CADM1: variants seen among roughly 807,000 people sequenced by gnomAD.
The protein encoded by CADM1 is TSLC-1.
In CADM1, 15 loss-of-function variants were observed where a neutral mutation model predicts 53.1. The ratio of observed to expected loss-of-function variants is 0.28; its 90% confidence interval spans 0.19 to 0.44. The LOEUF is 0.44. CADM1 is among the 20% of genes least tolerant of loss of function. CADM1 has a pLI of 1.00. For synonymous variants in CADM1, 281 were observed against 243.0 expected, an observed-to-expected ratio of 1.16 and a Z score of -1.45; for missense variants, 434 against 611.3, an observed-to-expected ratio of 0.71 and a Z score of 3.06.
chr11:115,320,085 A>G (rs1349768691), intron 1 of CADM1, among the ~76,000 whole-genome samples: 1 of 152,048 alleles, frequency 6.6e-6, no homozygotes, highest in Non-Finnish European at 1.5e-5. Context: ...TTTTTTAGAG[A>G]CAGTATCTCG....
chr11:115,417,022 T>C (rs116126933), intron 1 of CADM1, among the ~76,000 whole-genome samples: 631 of 152,262 alleles, frequency 4.1e-3, no homozygotes, highest in Middle Eastern at 0.014. Context: ...GATTTTATGA[T>C]AATTCAATAT....
intron 1 of CADM1, among the ~76,000 whole-genome samples, chr11:115,482,115 T>C (rs143069539): frequency 7.2e-5 from 11 of 152,284 alleles, no homozygotes; most frequent in African/African-American, 2.6e-4. Flanking sequence ...TTTCCGCCCA[T>C]TATCTCTCTA....
chr11:115,251,531 A>G lies in CADM1; in HGVS notation c.125-11111T>C, dbSNP rs758250569. ...GTGTGTGTAATATGGTTTGTTCAAG[A>G]AACAGCTGTAAATCCATGATAATCA... On this transcript the variant is annotated intron_variant, in intron 1 of 11. Transcript: ENST00000331581. Among the ~76,000 whole-genome samples, 121 of 151,670 alleles carry G rather than the reference A, an allele frequency of 8.0e-4. 1 individual carries two copies. Among genetic ancestry groups the G allele is most frequent in the Non-Finnish European group, 1.4e-3 (95 of 67,862 alleles).
chr11:115,386,863 G>A (rs1450237814), intron 1 of CADM1, among the ~76,000 whole-genome samples: 1 of 152,180 alleles, frequency 6.6e-6, no homozygotes, highest in African/African-American at 2.4e-5. Context: ...AATGCATATA[G>A]TTGATATACC....
chr11:115,452,393 T>G (rs1948593911), intron 1 of CADM1, among the ~76,000 whole-genome samples: 1 of 152,206 alleles, frequency 6.6e-6, no homozygotes, highest in African/African-American at 2.4e-5. Flanking sequence ...GTCAAGTGCT[T>G]TATCTACTCA....
chr11:115,313,664 T>C (rs1944587267), intron 1 of CADM1, among the ~76,000 whole-genome samples: 1 of 152,198 alleles, frequency 6.6e-6, no homozygotes, highest in South Asian at 2.1e-4. Context: ...CTCCTCTGCA[T>C]TTCCTGGTCT....
At chr11:115,480,401 C>T (rs944423993) in intron 1 of CADM1, among the ~76,000 whole-genome samples, 1 of 152,140 alleles carries the variant, frequency 6.6e-6, no homozygotes, top group Non-Finnish European at 1.5e-5. Context: ...GGTCTTAGCC[C>T]TGGCCTTGGA....
chr11:115,438,471 C>G (rs1049342124), intron 1 of CADM1, among the ~76,000 whole-genome samples: 2 of 151,768 alleles, frequency 1.3e-5, no homozygotes, highest in Non-Finnish European at 2.9e-5. Context: ...CAGTGGAAGG[C>G]AACGATGAAA....
intron 1 of CADM1, among the ~76,000 whole-genome samples, chr11:115,439,383 C>A (rs898783166): frequency 1.1e-4 from 16 of 152,182 alleles, no homozygotes; most frequent in African/African-American, 3.9e-4. Flanking sequence ...GGTATACTAG[C>A]TATCCCACCC....
chr11:115,278,322 T>C (rs747563499), intron 1 of CADM1, among the ~76,000 whole-genome samples: 16 of 152,186 alleles, frequency 1.1e-4, no homozygotes, highest in Non-Finnish European at 2.1e-4. Flanking sequence ...TTGTATGTGG[T>C]GGATATAAGC....
intron 10 of CADM1, 102 bp downstream of exon 10, chr11:115,190,786 T>C (rs1453752764): frequency 1.0e-6 from 1 of 956,694 alleles, no homozygotes. Flanking sequence ...AGTCTCAAAA[T>C]CCACACTGAT....
chr11:115,472,739 G>A (rs547450107), intron 1 of CADM1, among the ~76,000 whole-genome samples: 1 of 152,168 alleles, frequency 6.6e-6, no homozygotes, highest in South Asian at 2.1e-4. Context: ...TTTCCTTGCT[G>A]TACAAGGAAC....
intron 1 of CADM1, among the ~76,000 whole-genome samples, chr11:115,416,954 A>C (rs1947614753): frequency 6.6e-6 from 1 of 152,192 alleles, no homozygotes; most frequent in African/African-American, 2.4e-5. Flanking sequence ...AATACAGTAA[A>C]AGCATTTTCA....
intron 1 of CADM1, among the ~76,000 whole-genome samples, chr11:115,367,561 C>T (rs1355794961): frequency 1.3e-5 from 2 of 152,006 alleles, no homozygotes; most frequent in African/African-American, 2.4e-5. Context: ...AACGAGAACA[C>T]GAATCCCACT....
At chr11:115,275,719 T>C (rs1386407120) in intron 1 of CADM1, among the ~76,000 whole-genome samples, 2 of 152,160 alleles carry the variant, frequency 1.3e-5, no homozygotes, top group East Asian at 3.8e-4. Flanking sequence ...TAGTTAAAGG[T>C]TCATTTTAAC....
chr11:115,411,241 G>A (rs940287029), intron 1 of CADM1, among the ~76,000 whole-genome samples: 15 of 152,262 alleles, frequency 9.9e-5, no homozygotes, highest in Middle Eastern at 3.4e-3. Context: ...TAACAAGATA[G>A]GGAGATGAAT....
At chr11:115,421,176 C>T (rs183211517) in intron 1 of CADM1, among the ~76,000 whole-genome samples, 24 of 152,262 alleles carry the variant, frequency 1.6e-4, no homozygotes, top group South Asian at 6.2e-4. Flanking sequence ...GACCAGAATG[C>T]GCCCTGGCAA....
At chr11:115,309,098 A>T (rs1046181697) in intron 1 of CADM1, among the ~76,000 whole-genome samples, 4 of 152,050 alleles carry the variant, frequency 2.6e-5, no homozygotes, top group African/African-American at 9.7e-5. Context: ...ATTTTCTTTT[A>T]TATTCTTTAT....
chr11:115,310,953 C>T (rs2135161887), intron 1 of CADM1, among the ~76,000 whole-genome samples: 1 of 152,250 alleles, frequency 6.6e-6, no homozygotes, highest in East Asian at 1.9e-4. Context: ...CTTTCAGAAC[C>T]ATCTGATACC....
Sources: allele counts gnomAD v4.1 joint callset (sites outside exome capture counted in the v4.1 genomes callset), GRCh38; gene constraint gnomAD v4.1.1; transcripts MANE v1.5; gene names NCBI Gene and HGNC (gene_info 2026-07-23, HGNC 2026-07-21).